The following ZNF423 variants were observed in gnomAD, a reference collection of about 807,000 sequenced individuals.
ZNF423 encodes the protein Ebf-associated zinc finger protein.
Under a neutral mutation model 95.8 loss-of-function variants are expected in ZNF423, and 12 were observed. The ratio of observed to expected loss-of-function variants is 0.13; its 90% CI spans 0.08 to 0.20. The LOEUF (loss-of-function observed/expected upper bound fraction) is 0.20. Among genes scored for constraint, ZNF423 ranks in the 10% least tolerant of loss-of-function variants. ZNF423 has a pLI of 1.00. For synonymous variants in ZNF423, 749 were observed against 711.9 expected (o/e 1.05, Z -0.83); for missense variants, 1,316 against 1,737.1 (o/e 0.76, Z 4.31).
rs554222633 is a variant in ZNF423 at position 49,599,565 on chromosome 16, C to T, written c.3601+26605G>A. On this transcript the variant is annotated intron_variant, in intron 5 of 7. Coordinates refer to ENST00000563137, the MANE Select transcript of ZNF423 (RefSeq NM_001379286.1). ...ATAGACAACATGGAACACAGATGGG[C>T]TTAGCAGCACTGTGAATAACAGCCC... Among the ~76,000 whole-genome samples, 4 of 152,296 alleles carry T rather than the reference C, an allele frequency of 2.6e-5. No individual in the cohort carries two copies. The South Asian group carries it at 8.3e-4, about 32-fold the overall frequency.
At chr16:49,851,537 T>C (rs1445351618) in intron 1 of ZNF423, among the ~76,000 whole-genome samples, 1 of 152,226 alleles carries the variant, frequency 6.6e-6, no homozygotes, top group Non-Finnish European at 1.5e-5. Flanking sequence ...AGGAACGCTG[T>C]ACTCAAGTGC....
chr16:49,775,017 C>G (rs765077653), intron 2 of ZNF423, among the ~76,000 whole-genome samples: 1 of 152,184 alleles, frequency 6.6e-6, no homozygotes, highest in Non-Finnish European at 1.5e-5. Context: ...ACCCCAGCAG[C>G]TGCCCCACCA....
rs142517429 is a variant in ZNF423, at chr16:49,637,851, G to A, written c.1325C>T (p.Ala442Val). The A allele has an allele frequency of 1.9e-4, 313 of 1,614,174 alleles. No individual in the cohort carries two copies. The highest frequency in any genetic ancestry group is 3.3e-4 in the African/African-American group (25 of 75,042). The part of the protein sequence containing the change: ...VLEIHLKTIH[A>V]DKPQQSHTCQ... ...TGTGTGGCTCTGCTGGGGCTTGTCCGCGTGGATGGTCTTCAGGTGGATCTC... is the reference window on the plus strand; with the variant it reads ...TGTGTGGCTCTGCTGGGGCTTGTCCACGTGGATGGTCTTCAGGTGGATCTC... Residue 442 changes from alanine (A) to valine (V), a missense_variant, in exon 4 of 8, where the codon GCG becomes GTG. By Grantham distance (64) the Ala-to-Val change is moderately conservative. Around this residue, in one of 6 missense-constraint regions of ZNF423, gnomAD observed 399 missense variants for 478.5 expected, o/e 0.83. Coordinates refer to ENST00000563137, the MANE Select transcript of ZNF423 (RefSeq NM_001379286.1). This position sits in a 1 kb window ranked among gnomAD's most constrained non-coding sequence, Gnocchi z 5.6.
chr16:49,794,770 G>C (rs16947997), intron 1 of ZNF423, among the ~76,000 whole-genome samples: 5,862 of 152,250 alleles, frequency 0.039, 153 homozygotes, highest in Admixed American at 0.057. Context: ...GGTTTCCTAG[G>C]CTTTTATCTG....
intron 7 of ZNF423, among the ~76,000 whole-genome samples, chr16:49,510,304 A>C (rs1390481778): frequency 6.6e-6 from 1 of 152,210 alleles, no homozygotes; most frequent in Non-Finnish European, 1.5e-5. Flanking sequence ...GAGGGAGGTC[A>C]CATGCCCAAG....
intron 5 of ZNF423, among the ~76,000 whole-genome samples, chr16:49,621,595 G>T (rs911051622): frequency 6.6e-6 from 1 of 152,170 alleles, no homozygotes; most frequent in African/African-American, 2.4e-5. Flanking sequence ...TTATGAGAAG[G>T]CTGCAGAGCT....
At chr16:49,835,336 A>G (rs541920955) in intron 1 of ZNF423, among the ~76,000 whole-genome samples, 4 of 152,206 alleles carry the variant, frequency 2.6e-5, no homozygotes, top group African/African-American at 7.2e-5. Flanking sequence ...CTGGGCCCAG[A>G]CTCAGCAGGA....
At position 49,756,179 on chromosome 16, in the gene ZNF423, A is replaced by C. The variant is rs114900291; in HGVS notation, c.101-25208T>G. On this transcript the variant is annotated intron_variant, in intron 2 of 7. Transcript: ENST00000563137. ...AAGGTTTCAGAGACAAGGGTTTTCA[A>C]AACGGACTTGCTGTTTTGAATCCTG... is the stretch of plus-strand genomic sequence containing the variant. Among the ~76,000 whole-genome samples, 1,148 of 152,238 alleles carry C rather than the reference A, an allele frequency of 7.5e-3. 11 individuals carry two copies. Among genetic ancestry groups the C allele is most frequent in the African/African-American group, 0.026 (1,077 of 41,538 alleles).
chr16:49,814,285 G>A (rs1320437784), intron 1 of ZNF423, among the ~76,000 whole-genome samples: 1 of 152,186 alleles, frequency 6.6e-6, no homozygotes, highest in Non-Finnish European at 1.5e-5. Context: ...GCTCTGGGGG[G>A]TGGGGGGATG....
chr16:49,579,012 T>C (rs1970583200), intron 5 of ZNF423, among the ~76,000 whole-genome samples: 1 of 152,168 alleles, frequency 6.6e-6, no homozygotes, highest in Non-Finnish European at 1.5e-5. Flanking sequence ...AGGTTCATGC[T>C]CCACCTTGAT....
chr16:49,554,275 G>A (rs778972067), intron 5 of ZNF423, among the ~76,000 whole-genome samples: 7 of 151,952 alleles, frequency 4.6e-5, no homozygotes, highest in Non-Finnish European at 7.4e-5. Context: ...TAGTAACGCC[G>A]GGCATAGCAG....
chr16:49,718,355 G>A (rs1272562212), intron 3 of ZNF423, among the ~76,000 whole-genome samples: 1 of 152,138 alleles, frequency 6.6e-6, no homozygotes, highest in Admixed American at 6.5e-5. Context: ...GCAGTGAGCC[G>A]AGATTATGCC....
intron 3 of ZNF423, among the ~76,000 whole-genome samples, chr16:49,651,704 T>C (rs1973411505): frequency 6.6e-6 from 1 of 152,216 alleles, no homozygotes. Context: ...AATCAGTGAA[T>C]ATCTGTAAGG....
chr16:49,843,048 G>A (rs960699120), intron 1 of ZNF423, among the ~76,000 whole-genome samples: 5 of 151,962 alleles, frequency 3.3e-5, no homozygotes, highest in African/African-American at 1.2e-4. Flanking sequence ...GGAGAAATGT[G>A]CATTCATGCC....
chr16:49,556,028 C>A (rs998623104), intron 5 of ZNF423, among the ~76,000 whole-genome samples: 96 of 152,122 alleles, frequency 6.3e-4, no homozygotes, highest in African/African-American at 2.2e-3. Flanking sequence ...ACATGAGAAC[C>A]ACAGACCTGC....
chr16:49,605,132 C>A (rs76358875), intron 5 of ZNF423, among the ~76,000 whole-genome samples: 4,186 of 152,060 alleles, frequency 0.028, 193 homozygotes, highest in African/African-American at 0.095. Flanking sequence ...AAAGTCCCAG[C>A]TCCCAGGTTC....
chr16:49,743,166 C>A (rs1008675301), intron 2 of ZNF423, among the ~76,000 whole-genome samples: 22 of 152,256 alleles, frequency 1.4e-4, no homozygotes, highest in African/African-American at 5.3e-4. Flanking sequence ...GCCAGGGTCC[C>A]GCAGCAGCAC....
chr16:49,561,984 T>A (rs1970031360), intron 5 of ZNF423, among the ~76,000 whole-genome samples: 2 of 152,232 alleles, frequency 1.3e-5, no homozygotes, highest in Admixed American at 6.5e-5. Context: ...ATCAGATTAT[T>A]ATTTTTATTA....
chr16:49,857,303 T>TGGTGGCGGC (rs2035381691), upstream of ZNF423, among the ~76,000 whole-genome samples: 1 of 102,710 alleles, frequency 9.7e-6, no homozygotes, highest in Non-Finnish European at 1.9e-5. This position sits in a 1 kb window ranked among gnomAD's most constrained non-coding sequence, Gnocchi z 6.2. Context: ...ACCCGGACCG[T>TGGTGGCGGC]GGTGGCGGCG....
Sources: gnomAD v4.1 joint callset for allele counts (sites outside exome capture counted in the v4.1 genomes callset) on GRCh38, gnomAD v4.1.1 for gene constraint, gnomAD v4.1.1 regional missense constraint, Gnocchi (gnomAD v3.1) non-coding constraint, MANE v1.5 for transcripts, NCBI Gene and HGNC (gene_info 2026-07-23, HGNC 2026-07-21) for gene names.